The following SEC11A variants were observed in gnomAD, a reference collection of about 807,000 sequenced individuals.
SEC11A encodes the protein signal peptidase complex catalytic subunit SEC11A.
SEC11A carries 14 observed loss-of-function variants against 25.6 expected under a neutral mutation model. The ratio of observed to expected loss-of-function variants is 0.55; its 90% CI spans 0.36 to 0.85. The LOEUF is 0.85. Ranked by LOEUF, SEC11A falls within the 40% of genes least tolerant of loss-of-function variation. SEC11A has a pLI of 0.01. For missense variants in SEC11A, 153 were observed against 222.9 expected (o/e 0.69, Z 2.00); for synonymous variants, 83 against 76.4 (o/e 1.09, Z -0.45).
chr15:84,708,586 C>T (rs190358745), intron 1 of SEC11A, among the ~76,000 whole-genome samples: 7 of 151,968 alleles, frequency 4.6e-5, no homozygotes, highest in South Asian at 4.2e-4. Context: ...GGCAACAGGG[C>T]GAAATCTCAA....
intron 2 of SEC11A, among the ~76,000 whole-genome samples, chr15:84,690,149 G>A (rs942145607): frequency 3.3e-5 from 5 of 152,058 alleles, no homozygotes; most frequent in Non-Finnish European, 5.9e-5. Context: ...GAATTCCCAC[G>A]TGTTTTGGGA....
intron 3 of SEC11A, among the ~76,000 whole-genome samples, chr15:84,683,774 C>A (rs1478830451): frequency 6.6e-6 from 1 of 152,038 alleles, no homozygotes; most frequent in African/African-American, 2.4e-5. Context: ...ATCCGCCCTC[C>A]TCGGCCTCCC....
chr15:84,686,964 C>T (rs1897445234), intron 3 of SEC11A: 1 of 152,316 alleles, frequency 6.6e-6, no homozygotes, highest in Non-Finnish European at 1.5e-5. Flanking sequence ...CCTCCACCTC[C>T]CAGGTTCATG....
At chr15:84,706,689 T>C (rs1463377245) in intron 1 of SEC11A, among the ~76,000 whole-genome samples, 1 of 152,180 alleles carries the variant, frequency 6.6e-6, no homozygotes, top group Non-Finnish European at 1.5e-5. Context: ...AAAGCTAACA[T>C]GATAAAAACA....
At chr15:84,680,567 A>C (rs1012950951) in intron 4 of SEC11A, 146 bp downstream of exon 4, 3 of 780,810 alleles carry the variant, frequency 3.8e-6, no homozygotes, top group Admixed American at 3.8e-5. Context: ...ACTTTTTAAG[A>C]AGCAAAATTT....
In SEC11A at chr15:84,685,074, C is replaced by T. The variant is rs149155553; in HGVS notation, c.311+2551G>A. ...ACACAGGCCTGCAAGTTGAAGGTAT[C>T]TCAAGAGTCTGAAATAAATCACCAA... On this transcript the variant is annotated intron_variant, in intron 3 of 5. Coordinates refer to ENST00000268220, the MANE Select transcript of SEC11A (RefSeq NM_014300.4). Among the ~76,000 whole-genome samples, 946 of 152,248 alleles carry T rather than the reference C, an allele frequency of 6.2e-3. 11 individuals carry two copies. Among genetic ancestry groups the T allele is most frequent in the African/African-American group, 0.022 (902 of 41,546 alleles).
In SEC11A at chr15:84,690,906, G is replaced by A. The variant is rs1412454737; in HGVS notation, c.161+629C>T. 2.6e-5 allele frequency among the ~76,000 whole-genome samples: 4 copies of A among 151,956 alleles called. No individual in the cohort carries two copies. The South Asian group carries it at 8.3e-4, about 31-fold the overall frequency. The stretch of plus-strand genomic sequence containing the variant: ...ATCAGGCCTGGTGTATCAAAATGAG[G>A]AATATAAAAAGACAGAAGAATTTCA... On this transcript the variant is annotated intron_variant, in intron 2 of 5. Transcript: ENST00000268220.
At chr15:84,675,740 G>A (rs1213207523) in intron 4 of SEC11A, among the ~76,000 whole-genome samples, 1 of 152,068 alleles carries the variant, frequency 6.6e-6, no homozygotes, top group East Asian at 1.9e-4. Context: ...ACTAATGGGT[G>A]CTCTTGAATT....
intron 3 of SEC11A, among the ~76,000 whole-genome samples, chr15:84,684,207 T>C (rs1194680032): frequency 6.6e-6 from 1 of 152,222 alleles, no homozygotes; most frequent in Non-Finnish European, 1.5e-5. Context: ...CTGATATGGT[T>C]TGGCTGTGGT....
At chr15:84,677,593 C>G (rs1897171573) in intron 4 of SEC11A, among the ~76,000 whole-genome samples, 1 of 151,764 alleles carries the variant, frequency 6.6e-6, no homozygotes, top group Admixed American at 6.6e-5. Context: ...CTGCCTCAGC[C>G]TCCAGAGTCA....
chr15:84,682,275 C>T (rs1897301166), intron 3 of SEC11A, among the ~76,000 whole-genome samples: 3 of 151,112 alleles, frequency 2.0e-5, no homozygotes, highest in Admixed American at 2.0e-4. Flanking sequence ...GATAAACAGA[C>T]CAATGGATAA....
chr15:84,672,072 A>C (rs1896997779), intron 4 of SEC11A: 1 of 152,418 alleles, frequency 6.6e-6, no homozygotes, highest in Non-Finnish European at 1.5e-5. Context: ...ACCTTTGCAC[A>C]CTTTAAAACA....
chr15:84,714,972 T>C (rs35524990), intron 1 of SEC11A: 30,611 of 152,102 alleles, frequency 0.2, 3,882 homozygotes, highest in Middle Eastern at 0.36. Context: ...GACAACACTA[T>C]ACAAGTAAAA....
intron 3 of SEC11A, among the ~76,000 whole-genome samples, chr15:84,682,701 G>A (rs1044699679): frequency 1.3e-4 from 20 of 152,006 alleles, no homozygotes; most frequent in East Asian, 1.9e-4. Context: ...TGCCCACCTC[G>A]GCCTCCCAAA....
intron 1 of SEC11A, among the ~76,000 whole-genome samples, chr15:84,707,237 G>A (rs1898122845): frequency 7.0e-6 from 1 of 141,968 alleles, no homozygotes; most frequent in African/African-American, 2.6e-5. Context: ...CCAGCCTGGA[G>A]TGCAGTGGCG....
chr15:84,697,449 G>A (rs1003712031), intron 1 of SEC11A, among the ~76,000 whole-genome samples: 10 of 151,928 alleles, frequency 6.6e-5, no homozygotes, highest in African/African-American at 2.4e-4. Context: ...TTTTATTAGA[G>A]AAAGAGGTTA....
chr15:84,687,509 T>A (rs1488258563), intron 3 of SEC11A, 116 bp downstream of exon 3: 1 of 712,864 alleles, frequency 1.4e-6, no homozygotes, highest in African/African-American at 1.8e-5. Flanking sequence ...AAAAATGGAC[T>A]GGAAGAAGGC....
intron 3 of SEC11A, among the ~76,000 whole-genome samples, chr15:84,683,495 A>G (rs1897331791): frequency 6.6e-6 from 1 of 152,212 alleles, no homozygotes; most frequent in Non-Finnish European, 1.5e-5. Flanking sequence ...TTGAAAAAGC[A>G]TAGATATTCT....
At chr15:84,680,130 T>C (rs1310142237) in intron 4 of SEC11A, among the ~76,000 whole-genome samples, 2 of 150,100 alleles carry the variant, frequency 1.3e-5, no homozygotes, top group African/African-American at 4.9e-5. Flanking sequence ...TATAACGCCA[T>C]CTCTACTAAA....
Sources: gnomAD v4.1 joint callset for allele counts (sites outside exome capture counted in the v4.1 genomes callset) on GRCh38, gnomAD v4.1.1 for gene constraint, MANE v1.5 for transcripts, NCBI Gene and HGNC (gene_info 2026-07-23, HGNC 2026-07-21) for gene names.